CCDC34: variants seen among roughly 807,000 people sequenced by gnomAD.
CCDC34 encodes the protein coiled-coil domain-containing protein 34.
Under a neutral mutation model 44.1 loss-of-function variants are expected in CCDC34, and 40 were observed. The ratio of observed to expected loss-of-function variants is 0.91; its 90% CI spans 0.70 to 1.18. CCDC34 has a LOEUF of 1.18. Among genes scored for constraint, CCDC34 ranks in the 50% most tolerant of loss-of-function variants. The pLI is 0.00. For missense variants in CCDC34, 466 were observed against 452.3 expected (o/e 1.03, Z -0.28); for synonymous variants, 159 against 158.2 (o/e 1.01, Z -0.04).
At chr11:27,350,886 A>G (rs1862496787) in intron 2 of CCDC34, among the ~76,000 whole-genome samples, 1 of 152,216 alleles carries the variant, frequency 6.6e-6, no homozygotes, top group Non-Finnish European at 1.5e-5. Flanking sequence ...AGTTACACAA[A>G]AGAAATACAA....
At chr11:27,349,292 A>G in intron 3 of CCDC34, 2 of 921,192 alleles carry the variant, frequency 2.2e-6, no homozygotes, top group Non-Finnish European at 2.6e-6. Flanking sequence ...ATGTTATATC[A>G]TGGGATGAAG....
chr11:27,350,821 C>A (rs1862496162), intron 2 of CCDC34, among the ~76,000 whole-genome samples: 1 of 151,946 alleles, frequency 6.6e-6, no homozygotes, highest in African/African-American at 2.4e-5. Context: ...CTTCTGGATT[C>A]CTGATGAAGA....
intron 2 of CCDC34, among the ~76,000 whole-genome samples, chr11:27,355,023 T>G (rs1862555433): frequency 6.6e-6 from 1 of 152,156 alleles, no homozygotes; most frequent in Non-Finnish European, 1.5e-5. Flanking sequence ...TTGTTCTGTG[T>G]GACTACCAAG....
At position 27,341,472 on chromosome 11, in the gene CCDC34, G is replaced by A; in HGVS notation, c.685C>T (p.Gln229Ter). The change falls in exon 4 of 6, where the codon CAA (glutamine) becomes TAA (stop). Residue 229 changes from glutamine (Q) to a stop codon, truncating the protein, a stop_gained. Coordinates refer to ENST00000328697, the MANE Select transcript of CCDC34 (RefSeq NM_030771.2). LOFTEE classifies it high-confidence loss of function. ...TGATATTTTTCTTTTGCTTTTTCTT[G>A]CAAGTATTCTTTCTCCAGTTCCTTT... Reference protein sequence around the residue: ...AAKELEKEYLQEKAKEKYQEW... With the variant: ...AAKELEKEYL The A allele has an allele frequency of 7.0e-7, 1 of 1,425,316 alleles. No individual in the cohort carries two copies. The highest frequency in any genetic ancestry group is 1.4e-5 in the South Asian group (1 of 69,036). 88.3% of individuals were successfully genotyped at this position (1,425,316 alleles called of 1,614,324 possible). A position where few individuals can be genotyped will look rare whatever the true frequency, so the allele number is the denominator to read the frequency against.
rs1565057339 is a variant in CCDC34 at position 27,341,533 on chromosome 11, T to C, written c.624A>G (p.Glu208=). 7.6e-7 allele frequency: 1 copy of C among 1,308,634 alleles called. No homozygotes were observed. Among genetic ancestry groups the C allele is most frequent in the East Asian group, 2.6e-5 (1 of 38,132 alleles). 81.1% of individuals were successfully genotyped at this position (1,308,634 alleles called of 1,614,324 possible). A position where few individuals can be genotyped will look rare whatever the true frequency, so the allele number is the denominator to read the frequency against. The change falls in exon 4 of 6, where the codon GAA becomes GAG. Residue 208 remains glutamate (E), a synonymous_variant. Transcript: ENST00000328697. Reference sequence around the variant, plus strand: ...CCTCCATTTCTTTATTAATTTTTTGTTCTCTTTCTTTTCTTTTCTTAAATA... The same window carrying C: ...CCTCCATTTCTTTATTAATTTTTTGCTCTCTTTCTTTTCTTTTCTTAAATA... ...KKNEQKRKER[E]QKINKEMEEK...
intron 2 of CCDC34, among the ~76,000 whole-genome samples, chr11:27,352,213 T>C (rs1284001091): frequency 6.6e-6 from 1 of 152,096 alleles, no homozygotes; most frequent in Admixed American, 6.5e-5. Context: ...TAAAACCCTG[T>C]CTTTACTAAA....
chr11:27,345,758 G>A (rs1862424077), intron 3 of CCDC34, among the ~76,000 whole-genome samples: 3 of 152,168 alleles, frequency 2.0e-5, no homozygotes, highest in East Asian at 1.9e-4. Context: ...ACATGCATGT[G>A]TCTTTATAGC....
intron 2 of CCDC34, among the ~76,000 whole-genome samples, chr11:27,354,343 T>G (rs915092192): frequency 2.6e-5 from 4 of 152,234 alleles, no homozygotes; most frequent in African/African-American, 9.6e-5. Flanking sequence ...TATTTTAATC[T>G]GTTCTCAAAA....
chr11:27,340,520 A>T (rs953901782), intron 5 of CCDC34, among the ~76,000 whole-genome samples, 176 bp downstream of exon 5: 1 of 152,220 alleles, frequency 6.6e-6, no homozygotes, highest in Non-Finnish European at 1.5e-5. Flanking sequence ...AATGTGGAGA[A>T]TGACAGTACA....
intron 3 of CCDC34, chr11:27,349,943 C>G (rs968358393): frequency 9.4e-7 from 1 of 1,061,134 alleles, no homozygotes; most frequent in African/African-American, 1.7e-5. Context: ...TCTAATTAAG[C>G]CTTGATGACC....
intron 1 of CCDC34, among the ~76,000 whole-genome samples, chr11:27,359,047 T>C (rs116789019): frequency 0.014 from 2,053 of 150,452 alleles, 46 homozygotes; most frequent in African/African-American, 0.048. Context: ...GCCATTCTTG[T>C]TTCCTCCAAC....
chr11:27,346,744 C>T (rs957847758), intron 3 of CCDC34, among the ~76,000 whole-genome samples: 4 of 152,128 alleles, frequency 2.6e-5, no homozygotes, highest in African/African-American at 9.7e-5. Context: ...ATTCCTGCCC[C>T]TCTCCCAAAT....
chr11:27,355,338 G>T (rs1427746788), intron 2 of CCDC34, among the ~76,000 whole-genome samples: 2 of 152,044 alleles, frequency 1.3e-5, no homozygotes, highest in East Asian at 1.9e-4. Flanking sequence ...CATATATATA[G>T]AGAGATATAT....
chr11:27,358,570 A>G (rs1461338874), intron 1 of CCDC34, among the ~76,000 whole-genome samples: 2 of 152,112 alleles, frequency 1.3e-5, no homozygotes, highest in Non-Finnish European at 2.9e-5. Context: ...TGAAATTTGC[A>G]TTCTAGTGGG....
rs745933893 is a variant in CCDC34, at chr11:27,363,015, G to A, written c.180C>T (p.Ser60=). Residue 60 remains serine, a synonymous_variant, in exon 1 of 6, where the codon AGC becomes AGT. Coordinates refer to ENST00000328697, the MANE Select transcript of CCDC34 (RefSeq NM_030771.2). The stretch of plus-strand genomic sequence containing the variant: ...GAGACAACAGCGACCTGGTGGAATT[G>A]CTGCAGCTCAGCGGCAGCGGCGGCG... ...SPSPPLPLSC[S]NSTRSLLSPL... The A allele has an allele frequency of 8.1e-6, 13 of 1,614,112 alleles. No homozygotes were observed. Among genetic ancestry groups the A allele is most frequent in the African/African-American group, 4.0e-5 (3 of 74,934 alleles).
Position 27,357,497 on chromosome 11 carries a change from A to G in CCDC34, c.404T>C (p.Val135Ala). 4 of 1,613,994 alleles carry G rather than the reference A, an allele frequency of 2.5e-6. No homozygotes were observed. The highest frequency in any genetic ancestry group is 3.4e-6 in the Non-Finnish European group (4 of 1,179,944). The change falls in exon 2 of 6, where the codon GTG becomes GCG. Residue 135 changes from valine (V) to alanine (A), a missense_variant. Coordinates refer to ENST00000328697, the MANE Select transcript of CCDC34 (RefSeq NM_030771.2). The stretch of plus-strand genomic sequence containing the variant: ...TGTCAGGCGGCTTTCTGGTAAGCGC[A>G]CCTGTTTCTGTTCTTCTTGGTTATT... ...SENNQEEQKQ[V>A]RLPESRLTPW...
Position 27,338,617 on chromosome 11 carries a change from T to C in CCDC34, c.*204A>G. ...CAGCCACTTATTCTGCAAAACAACA[T>C]GCCAAGATCAACCTTAAAAAGTTTA... On this transcript the variant is annotated 3_prime_UTR_variant, in exon 6 of 6. Transcript: ENST00000328697. 1 of 522,628 alleles carries C rather than the reference T, an allele frequency of 1.9e-6. No homozygotes were observed. Among genetic ancestry groups the C allele is most frequent in the Non-Finnish European group, 3.3e-6 (1 of 301,590 alleles). The allele number at this position is 522,628 out of a possible 1,614,324, so 32.4% of individuals were successfully genotyped here.
chr11:27,349,167 T>A (rs948333444), intron 3 of CCDC34: 1 of 975,076 alleles, frequency 1.0e-6, no homozygotes, highest in Non-Finnish European at 1.2e-6. Context: ...CTATTCTGCA[T>A]GTGTAAAATA....
In CCDC34 at chr11:27,355,825, G is replaced by C. The variant is rs558560952; in HGVS notation, c.498+1578C>G. Among the ~76,000 whole-genome samples the C allele has an allele frequency of 3.9e-5, 6 of 152,092 alleles. No individual in the cohort carries two copies. The East Asian group carries it at 1.2e-3, about 29-fold the overall frequency. ...TTTCCAGGAATAAATTTGTAATCTA[G>C]AATACAAAGTATCATACAATAGGAA... On this transcript the variant is annotated intron_variant, in intron 2 of 5. Coordinates refer to ENST00000328697, the MANE Select transcript of CCDC34 (RefSeq NM_030771.2).
Sources: allele counts gnomAD v4.1 joint callset (sites outside exome capture counted in the v4.1 genomes callset), GRCh38; gene constraint gnomAD v4.1.1; transcripts MANE v1.5; gene names NCBI Gene and HGNC (gene_info 2026-07-23, HGNC 2026-07-21).